Variants in CDK7 observed in about 807,000 individuals in gnomAD.
CDK7 encodes cyclin-dependent kinase 7.
A neutral mutation model predicts 49.1 loss-of-function variants in CDK7; 25 were observed. That is an observed-to-expected ratio of 0.51 (90% CI 0.37 to 0.71). The LOEUF (loss-of-function observed/expected upper bound fraction) is 0.71. Among genes scored for constraint, CDK7 ranks in the 30% least tolerant of loss-of-function variants. The pLI, the probability that CDK7 is intolerant of heterozygous loss-of-function variation, is 0.00. For missense variants in CDK7, 316 were observed against 411.7 expected, an observed-to-expected ratio of 0.77 and a Z score of 2.01; for synonymous variants, 107 against 140.0, an observed-to-expected ratio of 0.76 and a Z score of 1.67.
chr5:69,270,831 T>C (rs1751477954), intron 9 of CDK7, among the ~76,000 whole-genome samples: 1 of 152,230 alleles, frequency 6.6e-6, no homozygotes, highest in Admixed American at 6.5e-5. Flanking sequence ...TGCTGAGTAT[T>C]GTGTGGATTT....
At chr5:69,261,029 G>A (rs1750777849) in intron 7 of CDK7, among the ~76,000 whole-genome samples, 1 of 152,090 alleles carries the variant, frequency 6.6e-6, no homozygotes, top group Non-Finnish European at 1.5e-5. Flanking sequence ...TGTTGCCCAG[G>A]CTGGTCTCAA....
At position 69,255,479 on chromosome 5, in the gene CDK7, A is replaced by G; in HGVS notation, c.248A>G (p.His83Arg). The change falls in exon 5 of 12, where the codon CAT (histidine) becomes CGT (arginine). Residue 83 changes from histidine to arginine, a missense_variant. Coordinates refer to ENST00000256443, the MANE Select transcript of CDK7 (RefSeq NM_001799.4). ...NIIGLLDAFG[H>R]KSNISLVFDF... ...TTGCAGCTCCTTGATGCTTTTGGAC[A>G]TAAATCTAATATTAGCCTTGTCTTT... 6.3e-7 allele frequency: 1 copy of G among 1,576,018 alleles called. No homozygotes were observed. The highest frequency in any genetic ancestry group is 8.6e-7 in the Non-Finnish European group (1 of 1,159,094).
intron 8 of CDK7, among the ~76,000 whole-genome samples, chr5:69,263,740 A>G (rs922942128): frequency 7.9e-5 from 12 of 152,164 alleles, no homozygotes; most frequent in African/African-American, 2.9e-4. Context: ...ATCAACCACC[A>G]CAATCCATTC....
intron 2 of CDK7, among the ~76,000 whole-genome samples, chr5:69,245,492 C>T (rs532796452): frequency 5.1e-4 from 78 of 151,792 alleles, no homozygotes; most frequent in Non-Finnish European, 8.4e-4. Context: ...AGGCATGCAC[C>T]ACCACGCCTG....
Position 69,234,983 on chromosome 5 carries a change from T to C in CDK7, c.8T>C (p.Leu3Pro). ...CGGGCTTTACGGCGCCGGATGGCTC[T>C]GGACGTGAAGTCTCGGGCAAAGCGT... The part of the protein sequence containing the change: MA[L>P]DVKSRAKRYE... Residue 3 changes from leucine (L) to proline (P), a missense_variant, in exon 1 of 12, where the codon CTG (leucine) becomes CCG (proline). By Grantham distance (98) the Leu-to-Pro change is moderately conservative. Coordinates refer to ENST00000256443, the MANE Select transcript of CDK7 (RefSeq NM_001799.4). 6.3e-7 allele frequency: 1 copy of C among 1,597,604 alleles called. No homozygotes were observed. The highest frequency in any genetic ancestry group is 8.5e-7 in the Non-Finnish European group (1 of 1,172,414).
At chr5:69,274,679 G>A (rs561260093) in intron 10 of CDK7, among the ~76,000 whole-genome samples, 19 of 152,096 alleles carry the variant, frequency 1.2e-4, no homozygotes, top group South Asian at 8.3e-4. Flanking sequence ...GCAGTGGCAC[G>A]ATCTTGACTC....
intron 7 of CDK7, among the ~76,000 whole-genome samples, chr5:69,261,003 G>C (rs955230846): frequency 3.3e-5 from 5 of 151,952 alleles, no homozygotes; most frequent in African/African-American, 1.2e-4. Flanking sequence ...AGTTTTTATA[G>C]AGATGGGTTT....
At chr5:69,269,121 A>G in intron 8 of CDK7, 86 bp from the exon 9 acceptor site, 1 of 781,626 alleles carries the variant, frequency 1.3e-6, no homozygotes, top group South Asian at 1.7e-5. Flanking sequence ...CCTGGGTGAC[A>G]GAGCGAGACT....
chr5:69,266,161 T>C (rs988958017), intron 8 of CDK7, among the ~76,000 whole-genome samples: 11 of 152,182 alleles, frequency 7.2e-5, no homozygotes, highest in Non-Finnish European at 1.3e-4. Flanking sequence ...GAGGGCGCAC[T>C]TGCGGTCAGC....
chr5:69,248,891 C>T (rs1467621066), intron 2 of CDK7, among the ~76,000 whole-genome samples: 1 of 143,326 alleles, frequency 7.0e-6, no homozygotes, highest in Non-Finnish European at 1.5e-5. Flanking sequence ...GCAACCTCTG[C>T]CTCCTGGGTT....
chr5:69,238,937 C>T (rs754405595), intron 2 of CDK7, among the ~76,000 whole-genome samples: 1 of 152,146 alleles, frequency 6.6e-6, no homozygotes, highest in Non-Finnish European at 1.5e-5. Context: ...CCAGTTGATT[C>T]ATGCTCGTTG....
rs1056924615 is a variant in CDK7, at chr5:69,244,190, T to G, written c.127-8228T>G. ...TTGGTTAATTCCTAGATATTTAATT[T>G]TATTTGTAGCTGTTGTGAATGGGAT... On this transcript the variant is annotated intron_variant, in intron 2 of 11. Coordinates refer to ENST00000256443, the MANE Select transcript of CDK7 (RefSeq NM_001799.4). Among the ~76,000 whole-genome samples, 3 of 152,172 alleles carry G rather than the reference T, an allele frequency of 2.0e-5. No homozygotes were observed. The South Asian group carries it at 6.2e-4, about 31-fold the overall frequency.
intron 8 of CDK7, among the ~76,000 whole-genome samples, chr5:69,268,499 G>A (rs1265986372): frequency 1.3e-5 from 2 of 152,260 alleles, no homozygotes; most frequent in South Asian, 2.1e-4. Context: ...TTCAATATTC[G>A]TTGCAGAGTT....
intron 2 of CDK7, among the ~76,000 whole-genome samples, chr5:69,237,254 C>T (rs577832527): frequency 2.0e-5 from 3 of 152,090 alleles, no homozygotes; most frequent in African/African-American, 7.2e-5. Context: ...ACACATGCCA[C>T]CAAGCCTGGC....
At chr5:69,248,014 T>C (rs951768956) in intron 2 of CDK7, among the ~76,000 whole-genome samples, 1 of 152,244 alleles carries the variant, frequency 6.6e-6, no homozygotes, top group Admixed American at 6.5e-5. Context: ...TGTTTTTCTG[T>C]GTACTTACTA....
intron 2 of CDK7, among the ~76,000 whole-genome samples, chr5:69,241,314 C>CTTTTTT (rs747725798): frequency 4.0e-4 from 14 of 35,212 alleles, no homozygotes; most frequent in South Asian, 1.4e-3. Flanking sequence ...TAGGTTTTTT[C>CTTTTTT]TTTTTTTTTT....
At chr5:69,241,110 AT>A (rs1370354870) in intron 2 of CDK7, among the ~76,000 whole-genome samples, 2 of 152,108 alleles carry the variant, frequency 1.3e-5, no homozygotes, top group Non-Finnish European at 2.9e-5. Context: ...TAGCAATGGA[AT>A]TGCTAGATCA....
At chr5:69,252,213 G>A (rs1750186424) in intron 2 of CDK7, among the ~76,000 whole-genome samples, 1 of 152,094 alleles carries the variant, frequency 6.6e-6, no homozygotes, top group South Asian at 2.1e-4. Context: ...TAAGGGACAA[G>A]GGTAGGTATT....
chr5:69,267,712 TG>T (rs1389078391), intron 8 of CDK7, among the ~76,000 whole-genome samples: 1 of 152,190 alleles, frequency 6.6e-6, no homozygotes, highest in Non-Finnish European at 1.5e-5. Flanking sequence ...TTCTCATAAA[TG>T]TCTTTTTACA....
Sources: gnomAD v4.1 joint callset for allele counts (sites outside exome capture counted in the v4.1 genomes callset) on GRCh38, gnomAD v4.1.1 for gene constraint, MANE v1.5 for transcripts, NCBI Gene and HGNC (gene_info 2026-07-23, HGNC 2026-07-21) for gene names.